The following PHF21A variants were observed in gnomAD, a reference collection of about 807,000 sequenced individuals.
PHF21A encodes PHD finger protein 21A.
PHF21A carries 11 observed loss-of-function variants against 82.5 expected under a neutral mutation model. That is an observed-to-expected ratio of 0.13 (90% CI 0.08 to 0.22). The LOEUF (loss-of-function observed/expected upper bound fraction) is 0.22. Ranked by LOEUF, PHF21A falls within the 10% of genes least tolerant of loss-of-function variation. PHF21A has a pLI of 1.00. For synonymous variants in PHF21A, 297 were observed against 302.8 expected, an observed-to-expected ratio of 0.98 and a Z score of 0.20; for missense variants, 579 against 837.8, an observed-to-expected ratio of 0.69 and a Z score of 3.81.
Position 46,049,869 on chromosome 11 carries a change from G to A in PHF21A, c.153+26885C>T, listed in dbSNP as rs1314813816. 2.0e-5 allele frequency among the ~76,000 whole-genome samples: 3 copies of A among 152,100 alleles called. 1 individual carries two copies. In the South Asian group the frequency reaches 6.2e-4, roughly 31 times the overall value. On this transcript the variant is annotated intron_variant, in intron 6 of 18. Coordinates refer to ENST00000676320, the MANE Select transcript of PHF21A (RefSeq NM_001352027.3). ...CTAAAAACAACGTTAAGACTATCCA[G>A]CAAACAGTAAAAAGCAACAGAATCA...
At chr11:46,057,237 C>G (rs2096471364) in intron 6 of PHF21A, among the ~76,000 whole-genome samples, 1 of 152,094 alleles carries the variant, frequency 6.6e-6, no homozygotes. Flanking sequence ...AAGCAGTTGC[C>G]CTATCAATGT....
chr11:46,033,113 C>T (rs1047292881), intron 6 of PHF21A, among the ~76,000 whole-genome samples: 2 of 151,782 alleles, frequency 1.3e-5, no homozygotes, highest in Non-Finnish European at 2.9e-5. Context: ...GTATTTTTTC[C>T]CAAGTCTCAT....
chr11:46,016,146 A>AT (rs2095513635), intron 6 of PHF21A, among the ~76,000 whole-genome samples: 1 of 152,218 alleles, frequency 6.6e-6, no homozygotes. Flanking sequence ...CTACTAAGCA[A>AT]CAGAAAATTT....
chr11:45,981,494 C>T (rs1004105605), intron 6 of PHF21A, among the ~76,000 whole-genome samples: 1 of 151,244 alleles, frequency 6.6e-6, no homozygotes. Context: ...CAACAAATGG[C>T]TCATAAAGCA....
At chr11:46,093,697 T>C (rs2096954962) in intron 1 of PHF21A, among the ~76,000 whole-genome samples, 2 of 152,198 alleles carry the variant, frequency 1.3e-5, no homozygotes, top group Admixed American at 1.3e-4. Flanking sequence ...AGGCACATAG[T>C]AAATGCTCAA....
intron 9 of PHF21A, 78 bp from the exon 10 acceptor site, chr11:45,965,686 T>C: frequency 9.2e-7 from 1 of 1,082,984 alleles, no homozygotes; most frequent in Non-Finnish European, 1.3e-6. Context: ...CCACACTCTA[T>C]GTATGAAATG....
chr11:46,007,388 G>C (rs1216927806), intron 6 of PHF21A, among the ~76,000 whole-genome samples: 1 of 150,552 alleles, frequency 6.6e-6, no homozygotes, highest in Non-Finnish European at 1.5e-5. Flanking sequence ...ATCTTGGCTC[G>C]CTGCAACCTC....
chr11:45,940,212 T>A (rs1407757257), intron 15 of PHF21A, among the ~76,000 whole-genome samples: 1 of 151,794 alleles, frequency 6.6e-6, no homozygotes, highest in African/African-American at 2.4e-5. Context: ...TTTTTTTTTT[T>A]AGACGGAGTC....
intron 1 of PHF21A, among the ~76,000 whole-genome samples, chr11:46,103,695 T>G (rs1455354353): frequency 6.6e-6 from 1 of 152,186 alleles, no homozygotes; most frequent in Non-Finnish European, 1.5e-5. Context: ...GGGTAACATA[T>G]ACCATATTCA....
At chr11:46,116,143 T>C (rs1284989696) in intron 1 of PHF21A, among the ~76,000 whole-genome samples, 5 of 152,326 alleles carry the variant, frequency 3.3e-5, no homozygotes, top group Non-Finnish European at 7.4e-5. Context: ...GAGCAGAGTT[T>C]ATAAGAAAGC....
chr11:45,975,606 A>C (rs2093987577), intron 7 of PHF21A, among the ~76,000 whole-genome samples: 1 of 152,092 alleles, frequency 6.6e-6, no homozygotes, highest in Non-Finnish European at 1.5e-5. Context: ...TCTTCTTTAC[A>C]TTTGCATTAT....
intron 6 of PHF21A, among the ~76,000 whole-genome samples, chr11:46,040,236 T>A (rs1253673704): frequency 6.6e-6 from 1 of 152,168 alleles, no homozygotes; most frequent in Non-Finnish European, 1.5e-5. Flanking sequence ...AGAGTTTCAT[T>A]AAACATAATG....
intron 9 of PHF21A, among the ~76,000 whole-genome samples, chr11:45,967,907 C>T (rs2093543273): frequency 6.6e-6 from 1 of 152,196 alleles, no homozygotes; most frequent in Non-Finnish European, 1.5e-5. Flanking sequence ...GTGCTATGTA[C>T]TCTTAATAGT....
At chr11:46,049,860 G>A (rs1162682194) in intron 6 of PHF21A, among the ~76,000 whole-genome samples, 1 of 151,946 alleles carries the variant, frequency 6.6e-6, no homozygotes, top group African/African-American at 2.4e-5. Flanking sequence ...ACAACGTTAA[G>A]ACTATCCAGC....
chr11:45,977,161 A>G (rs1432558335), intron 7 of PHF21A, among the ~76,000 whole-genome samples: 4 of 129,346 alleles, frequency 3.1e-5, no homozygotes, highest in African/African-American at 1.2e-4. Flanking sequence ...TTTTTTTGAG[A>G]TGGAGTCTTG....
chr11:46,049,625 C>A (rs547734691), intron 6 of PHF21A: 6 of 388,444 alleles, frequency 1.5e-5, no homozygotes, highest in Admixed American at 3.0e-5. Context: ...CCTGTCACAG[C>A]ACTCTCCTTG....
At chr11:45,974,772 A>G (rs560248097) in intron 7 of PHF21A, among the ~76,000 whole-genome samples, 44 of 152,212 alleles carry the variant, frequency 2.9e-4, no homozygotes, top group African/African-American at 1.0e-3. Context: ...ATTTATATGA[A>G]AGCTGTGATT....
chr11:46,100,526 T>G (rs560143166), intron 1 of PHF21A, among the ~76,000 whole-genome samples: 1 of 152,338 alleles, frequency 6.6e-6, no homozygotes, highest in South Asian at 2.1e-4. Flanking sequence ...AAGTATAATT[T>G]TTAAAATATA....
chr11:46,011,621 C>T (rs2095416166), intron 6 of PHF21A, among the ~76,000 whole-genome samples: 1 of 152,194 alleles, frequency 6.6e-6, no homozygotes, highest in African/African-American at 2.4e-5. Flanking sequence ...CACTGCTTTT[C>T]ATTTCTAAAT....
Sources: gnomAD v4.1 joint callset for allele counts (sites outside exome capture counted in the v4.1 genomes callset) on GRCh38, gnomAD v4.1.1 for gene constraint, MANE v1.5 for transcripts, NCBI Gene and HGNC (gene_info 2026-07-23, HGNC 2026-07-21) for gene names.